TULP4: variants seen among roughly 807,000 people sequenced by gnomAD.
TULP4 encodes the protein tubby-related protein 4.
TULP4 carries 16 observed loss-of-function variants against 129.0 expected under a neutral mutation model. The ratio of observed to expected loss-of-function variants is 0.12; its 90% CI spans 0.08 to 0.19. The LOEUF is 0.19. Among genes scored for constraint, TULP4 ranks in the 10% least tolerant of loss-of-function variants. TULP4 has a pLI of 1.00. For synonymous variants in TULP4, 998 were observed against 854.0 expected (o/e 1.17, Z -2.94); for missense variants, 1,842 against 2,059.1 (o/e 0.89, Z 2.04).
At chr6:158,423,804 C>T (rs968610474) in intron 2 of TULP4, among the ~76,000 whole-genome samples, 1 of 152,078 alleles carries the variant, frequency 6.6e-6, no homozygotes, top group Non-Finnish European at 1.5e-5. Context: ...CCACACCCGG[C>T]TAATTTTTTG....
At chr6:158,498,531 C>G in intron 11 of TULP4, 138 bp from the exon 12 acceptor site, 1 of 1,037,058 alleles carries the variant, frequency 9.6e-7, no homozygotes, top group Non-Finnish European at 1.4e-6. Flanking sequence ...CTCCTCTCAG[C>G]CTCTGGGCCC....
intron 1 of TULP4, among the ~76,000 whole-genome samples, chr6:158,291,893 G>T (rs1278691543): frequency 1.3e-5 from 2 of 152,030 alleles, no homozygotes; most frequent in African/African-American, 4.8e-5. Flanking sequence ...ATAGTGTTTT[G>T]CTTTCTAATT....
Position 158,290,921 on chromosome 6 carries a change from G to A in TULP4, n.116+8543G>A, listed in dbSNP as rs868561887. Among the ~76,000 whole-genome samples the A allele has an allele frequency of 3.9e-5, 6 of 152,230 alleles. No individual in the cohort carries two copies. The South Asian group carries it at 6.2e-4, about 16-fold the overall frequency. On this transcript the variant is annotated intron_variant and non_coding_transcript_variant, in intron 1 of 1. Transcript: ENST00000432358. ...GCTCTGCTGCCTACCGGATAGTGTC[G>A]GGCAAGCATTTAACCTGCCTGTGCC...
upstream of TULP4, among the ~76,000 whole-genome samples, chr6:158,277,559 G>A (rs530754997): frequency 7.6e-4 from 116 of 152,306 alleles, no homozygotes; most frequent in African/African-American, 2.6e-3. Context: ...GCCACCAGGA[G>A]CAAGGATTAG....
intron 1 of TULP4, among the ~76,000 whole-genome samples, chr6:158,412,811 T>C (rs1583848465): frequency 6.6e-6 from 1 of 152,218 alleles, no homozygotes; most frequent in East Asian, 1.9e-4. Flanking sequence ...GGGCCCCAGG[T>C]CGCCTCTTTG....
chr6:158,436,917 G>A (rs1487607193), intron 3 of TULP4, among the ~76,000 whole-genome samples: 1 of 152,044 alleles, frequency 6.6e-6, no homozygotes, highest in African/African-American at 2.4e-5. Flanking sequence ...TGTTTGCTTT[G>A]GGATACAAAA....
At position 158,453,524 on chromosome 6, in the gene TULP4, C is replaced by T. The variant is rs571276188; in HGVS notation, c.859+1256C>T. 1.7e-4 allele frequency among the ~76,000 whole-genome samples: 23 copies of T among 135,970 alleles called. No homozygotes were observed. The South Asian group carries it at 5.5e-3, about 32-fold the overall frequency. 89.2% of individuals were successfully genotyped at this position (135,970 alleles called of 152,430 possible). A position where few individuals can be genotyped will look rare whatever the true frequency, so the allele number is the denominator to read the frequency against. On this transcript the variant is annotated intron_variant, in intron 5 of 13. Coordinates refer to ENST00000367097, the MANE Select transcript of TULP4 (RefSeq NM_020245.5). ...AAAAAAAAAAAGCCGGGCACGGTAG[C>T]TCACGCCTGTAATCCCAGCACTTTG...
rs67123255 is a variant in TULP4 at position 158,372,164 on chromosome 6, C to CTTTTTTTT, written c.253-40892_253-40885dup. On this transcript the variant is annotated intron_variant, in intron 1 of 13. Coordinates refer to ENST00000367097, the MANE Select transcript of TULP4 (RefSeq NM_020245.5). ...TTTTAATACAATTCCATTCTATCTG[C>CTTTTTTTT]TTTTTTTTTTTTTTTTAAAGAAAAA... Among the ~76,000 whole-genome samples the CTTTTTTTT allele has an allele frequency of 7.2e-5, 6 of 83,312 alleles. 1 individual carries two copies. Among genetic ancestry groups the CTTTTTTTT allele is most frequent in the Non-Finnish European group, 6.3e-5 (3 of 47,594 alleles). 54.7% of individuals were successfully genotyped at this position (83,312 alleles called of 152,430 possible).
chr6:158,272,878 G>A (rs750503562), intron 1 of TULP4, among the ~76,000 whole-genome samples: 19 of 152,204 alleles, frequency 1.2e-4, no homozygotes, highest in Non-Finnish European at 2.6e-4. Flanking sequence ...CTAAGGAAAC[G>A]ATCAATATGT....
At chr6:158,250,371 T>A (rs1279599247) in intron 1 of TULP4, among the ~76,000 whole-genome samples, 2 of 151,756 alleles carry the variant, frequency 1.3e-5, no homozygotes, top group Admixed American at 1.3e-4. Flanking sequence ...TTGGCCAGGA[T>A]GATCTCGATC....
chr6:158,291,177 C>A (rs1254772400), intron 1 of TULP4, among the ~76,000 whole-genome samples: 1 of 152,124 alleles, frequency 6.6e-6, no homozygotes, highest in East Asian at 1.9e-4. Context: ...GTTTCTTAGA[C>A]CTTCCTTCTG....
chr6:158,257,231 G>C (rs1223826883), intron 1 of TULP4, among the ~76,000 whole-genome samples: 1 of 151,998 alleles, frequency 6.6e-6, no homozygotes, highest in Non-Finnish European at 1.5e-5. Flanking sequence ...CCAGGACTCT[G>C]TTCGTTTCTG....
At chr6:158,492,202 A>G (rs1424546621) in intron 9 of TULP4, among the ~76,000 whole-genome samples, 4 of 152,134 alleles carry the variant, frequency 2.6e-5, no homozygotes, top group African/African-American at 9.7e-5. Flanking sequence ...AGATATCTGT[A>G]TGGCCATATA....
At chr6:158,272,320 T>C (rs1047388523) in intron 1 of TULP4, among the ~76,000 whole-genome samples, 2 of 152,210 alleles carry the variant, frequency 1.3e-5, no homozygotes, top group African/African-American at 4.8e-5. Flanking sequence ...CCCCAATGGC[T>C]ATGATCTTAT....
intron 12 of TULP4, among the ~76,000 whole-genome samples, chr6:158,500,593 GCAGAGTGCT>G (rs1780422115): frequency 6.6e-6 from 1 of 152,222 alleles, no homozygotes; most frequent in African/African-American, 2.4e-5. Context: ...GGAGCCAACT[GCAGAGTGCT>G]CAGTGGGCAC....
chr6:158,370,486 T>C (rs1233212108), intron 1 of TULP4, among the ~76,000 whole-genome samples: 5 of 126,172 alleles, frequency 4.0e-5, no homozygotes, highest in Admixed American at 7.8e-5. Flanking sequence ...AAAAAAAAGA[T>C]TGTGGCACTG....
chr6:158,314,302 T>G (rs1457269041), intron 1 of TULP4, 34 bp downstream of exon 1: 2 of 1,599,620 alleles, frequency 1.3e-6, no homozygotes, highest in Non-Finnish European at 1.7e-6. Flanking sequence ...TTTTGGTCAC[T>G]TCCAGTGGTG....
chr6:158,464,988 A>G (rs1186952531), intron 6 of TULP4, among the ~76,000 whole-genome samples: 5 of 152,220 alleles, frequency 3.3e-5, no homozygotes, highest in East Asian at 1.9e-4. Flanking sequence ...ATTTCCTTCA[A>G]CGTGATGGTA....
chr6:158,356,420 A>T (rs1780649289), intron 1 of TULP4, among the ~76,000 whole-genome samples: 1 of 152,160 alleles, frequency 6.6e-6, no homozygotes, highest in Non-Finnish European at 1.5e-5. Context: ...CACTGCAAAG[A>T]TGTCAAGATC....
Sources: allele counts gnomAD v4.1 joint callset (sites outside exome capture counted in the v4.1 genomes callset), GRCh38; gene constraint gnomAD v4.1.1; transcripts MANE v1.5; gene names NCBI Gene and HGNC (gene_info 2026-07-23, HGNC 2026-07-21).